Variants in MAP2K6 observed in about 807,000 individuals in gnomAD.
The protein encoded by MAP2K6 is mitogen-activated protein kinase kinase 6, also known as dual specificity mitogen-activated protein kinase kinase 6.
In MAP2K6, 16 loss-of-function variants were observed where a neutral mutation model predicts 53.7. The ratio of observed to expected loss-of-function variants is 0.30; its 90% CI spans 0.20 to 0.45. The LOEUF (loss-of-function observed/expected upper bound fraction) is 0.45, where lower values mean the gene tolerates loss of function less well. Ranked by LOEUF, MAP2K6 falls within the 20% of genes least tolerant of loss-of-function variation. MAP2K6 has a pLI of 1.00. For synonymous variants in MAP2K6, 132 were observed against 143.1 expected (o/e 0.92, Z 0.55); for missense variants, 204 against 411.9 (o/e 0.50, Z 4.37).
chr17:69,487,893 T>C (rs1598285691), intron 1 of MAP2K6, among the ~76,000 whole-genome samples: 2 of 152,224 alleles, frequency 1.3e-5, no homozygotes, highest in African/African-American at 2.4e-5. Context: ...AAAGAAAATC[T>C]TATGAAATTA....
Position 69,451,993 on chromosome 17 carries a change from A to G in MAP2K6, c.16+36993A>G, listed in dbSNP as rs143027055. Among the ~76,000 whole-genome samples the G allele has an allele frequency of 1.9e-3, 283 of 152,254 alleles. 1 individual carries two copies. Among genetic ancestry groups the G allele is most frequent in the South Asian group, 3.9e-3 (19 of 4,824 alleles). ...TGTTGGGAGTGTACTGTAATAGTCC[A>G]TGTTGAAGATGATGAAGGCCTGAGC... On this transcript the variant is annotated intron_variant, in intron 1 of 11. Coordinates refer to ENST00000590474, the MANE Select transcript of MAP2K6 (RefSeq NM_002758.4).
chr17:69,434,053 T>G (rs1906560413), intron 1 of MAP2K6: 1 of 152,198 alleles, frequency 6.6e-6, no homozygotes, highest in South Asian at 2.1e-4. Context: ...TCTATGTCCC[T>G]TAGCAACAGG....
At chr17:69,420,136 C>T (rs1020352152) in intron 1 of MAP2K6, among the ~76,000 whole-genome samples, 1 of 151,988 alleles carries the variant, frequency 6.6e-6, no homozygotes, top group Non-Finnish European at 1.5e-5. Flanking sequence ...CTATAGCTAT[C>T]CAGACCTATA....
chr17:69,444,070 A>G (rs1201833519), intron 1 of MAP2K6, among the ~76,000 whole-genome samples: 2 of 152,214 alleles, frequency 1.3e-5, no homozygotes. Flanking sequence ...CTCTTCTTCT[A>G]ACATCCCATT....
rs187180674 is a variant in MAP2K6 at position 69,483,516 on chromosome 17, G to A, written c.17-22264G>A. 1.3e-3 allele frequency among the ~76,000 whole-genome samples: 198 copies of A among 152,130 alleles called. 1 individual carries two copies. Among genetic ancestry groups the A allele is most frequent in the Non-Finnish European group, 2.2e-3 (151 of 67,902 alleles). ...CAAAAGACTTAATATTGTTAAGATG[G>A]CAGTAGTTTCCAAATTGATCTGAAG... is the stretch of plus-strand genomic sequence containing the variant. On this transcript the variant is annotated intron_variant, in intron 1 of 11. Transcript: ENST00000590474.
At chr17:69,521,165 G>C in intron 7 of MAP2K6, 65 bp downstream of exon 7, 1 of 1,444,896 alleles carries the variant, frequency 6.9e-7, no homozygotes, top group South Asian at 1.2e-5. Flanking sequence ...CCTGGAGTCC[G>C]TCTCTACCCC....
chr17:69,524,463 C>T (rs961877883), intron 8 of MAP2K6, among the ~76,000 whole-genome samples: 1 of 150,832 alleles, frequency 6.6e-6, no homozygotes, highest in Non-Finnish European at 1.5e-5. Context: ...TGGAAATGGA[C>T]TTGTGCTTTG....
chr17:69,452,795 T>A (rs1318578133), intron 1 of MAP2K6, among the ~76,000 whole-genome samples: 1 of 152,244 alleles, frequency 6.6e-6, no homozygotes, highest in East Asian at 1.9e-4. Context: ...AAGCAGATGA[T>A]GACAATTAAA....
intron 1 of MAP2K6, among the ~76,000 whole-genome samples, chr17:69,443,443 C>T (rs115262314): frequency 0.015 from 2,351 of 152,276 alleles, 61 homozygotes; most frequent in African/African-American, 0.053. Context: ...GCCCTCTCTA[C>T]GTCATATAAA....
chr17:69,449,826 G>A (rs1907148601), intron 1 of MAP2K6, among the ~76,000 whole-genome samples: 1 of 150,910 alleles, frequency 6.6e-6, no homozygotes, highest in Admixed American at 6.6e-5. Flanking sequence ...TGTTAGCCAG[G>A]ATGGTCTCGA....
At chr17:69,431,409 TACTC>T (rs1906457990) in intron 1 of MAP2K6, among the ~76,000 whole-genome samples, 1 of 152,024 alleles carries the variant, frequency 6.6e-6, no homozygotes, top group African/African-American at 2.4e-5. Flanking sequence ...AGTTATCAAA[TACTC>T]ACTTGATGTA....
intron 1 of MAP2K6, among the ~76,000 whole-genome samples, chr17:69,415,831 A>G (rs1167648275): frequency 6.6e-6 from 1 of 152,204 alleles, no homozygotes; most frequent in Non-Finnish European, 1.5e-5. Flanking sequence ...GTATTTAGTC[A>G]GCTGTAATAG....
At chr17:69,485,755 C>A (rs1210393927) in intron 1 of MAP2K6, among the ~76,000 whole-genome samples, 11 of 152,180 alleles carry the variant, frequency 7.2e-5, no homozygotes, top group African/African-American at 2.4e-4. Context: ...CTTGATCCCA[C>A]GTTGTCCCTT....
Position 69,458,503 on chromosome 17 carries a change from A to G in MAP2K6, c.16+43503A>G, listed in dbSNP as rs547515715. ...AGGACCACATTCCAGGGCAAATTTT[A>G]ACTCTTTAGTTGTCTCTGATTTTCC... On this transcript the variant is annotated intron_variant, in intron 1 of 11. Transcript: ENST00000590474. Among the ~76,000 whole-genome samples, 3 of 152,296 alleles carry G rather than the reference A, an allele frequency of 2.0e-5. No individual in the cohort carries two copies. In the South Asian group the frequency reaches 6.2e-4, roughly 32 times the overall value.
rs960585683 is a variant in MAP2K6 at position 69,547,400 on chromosome 17, C to G, written c.*5647C>G. ...CTGTTGTATCATGAAAGCATCTATA[C>G]GCAATACACAAATGAATGAGCCTGG... On this transcript the variant is annotated 3_prime_UTR_variant, in exon 12 of 12. Coordinates refer to ENST00000590474, the MANE Select transcript of MAP2K6 (RefSeq NM_002758.4). 6.6e-6 allele frequency: 1 copy of G among 152,218 alleles called. No homozygotes were observed. The highest frequency in any genetic ancestry group is 2.4e-5 in the African/African-American group (1 of 41,454). The allele number at this position is 152,218 out of a possible 1,614,324, so 9.4% of individuals were successfully genotyped here. A position where few individuals can be genotyped will look rare whatever the true frequency, so the allele number is the denominator to read the frequency against.
intron 7 of MAP2K6, among the ~76,000 whole-genome samples, chr17:69,522,874 G>C (rs1462856275): frequency 7.0e-6 from 1 of 143,288 alleles, no homozygotes; most frequent in Non-Finnish European, 1.5e-5. Context: ...GGTCAACAAA[G>C]AGACATCCTG....
chr17:69,414,858 C>A lies in MAP2K6; in HGVS notation c.-127C>A. 1.2e-6 allele frequency: 1 copy of A among 807,754 alleles called. No homozygotes were observed. Among genetic ancestry groups the A allele is most frequent in the Non-Finnish European group, 2.1e-6 (1 of 478,738 alleles). The allele number at this position is 807,754 out of a possible 1,614,324, so 50.0% of individuals were successfully genotyped here. On this transcript the variant is annotated 5_prime_UTR_variant, in exon 1 of 12. Transcript: ENST00000590474. ...CTGAAAGTCCATCTGCTGCATCGGTCAAGAGAAACTCCACTTGCATGAAGA... is the reference window on the plus strand; with the variant it reads ...CTGAAAGTCCATCTGCTGCATCGGTAAAGAGAAACTCCACTTGCATGAAGA...
intron 1 of MAP2K6, among the ~76,000 whole-genome samples, chr17:69,431,101 C>A (rs912430617): frequency 2.6e-5 from 4 of 152,116 alleles, no homozygotes; most frequent in Non-Finnish European, 4.4e-5. Flanking sequence ...TAGGTCTAAT[C>A]CTTCTCAAAA....
intron 1 of MAP2K6, among the ~76,000 whole-genome samples, chr17:69,495,643 G>T (rs955150498): frequency 5.3e-5 from 8 of 151,574 alleles, no homozygotes; most frequent in Non-Finnish European, 8.8e-5. Flanking sequence ...TATTTTATCT[G>T]TATCTCTATC....
Sources: allele counts gnomAD v4.1 joint callset (sites outside exome capture counted in the v4.1 genomes callset), GRCh38; gene constraint gnomAD v4.1.1; transcripts MANE v1.5; gene names NCBI Gene and HGNC (gene_info 2026-07-23, HGNC 2026-07-21).